Variants in NFIB observed in about 807,000 individuals in gnomAD.
The protein encoded by NFIB is nuclear factor 1 B-type.
NFIB carries 11 observed loss-of-function variants against 61.5 expected under a neutral mutation model. The ratio of observed to expected loss-of-function variants is 0.18; its 90% CI spans 0.11 to 0.30. NFIB has a LOEUF of 0.30. NFIB is among the 10% of genes least tolerant of loss of function. The pLI, the probability that NFIB is intolerant of heterozygous loss-of-function variation, is 1.00. For missense variants in NFIB, 471 were observed against 608.9 expected, an observed-to-expected ratio of 0.77 and a Z score of 2.38; for synonymous variants, 260 against 216.5, an observed-to-expected ratio of 1.20 and a Z score of -1.76.
the NFIB span, among the ~76,000 whole-genome samples, chr9:14,512,608 T>G: frequency 6.6e-6 from 1 of 152,306 alleles, no homozygotes; most frequent in South Asian, 2.1e-4. Flanking sequence ...ACGTAATAAG[T>G]CCGCCAATTT....
intron 1 of NFIB, among the ~76,000 whole-genome samples, chr9:14,330,536 G>T (rs2060808511): frequency 6.6e-6 from 1 of 152,150 alleles, no homozygotes; most frequent in African/African-American, 2.4e-5. Flanking sequence ...TACCATCTAA[G>T]AATGATGATC....
chr9:14,315,348 G>A (rs1337466295), upstream of NFIB, among the ~76,000 whole-genome samples: 7 of 150,854 alleles, frequency 4.6e-5, no homozygotes, highest in Admixed American at 3.3e-4. Flanking sequence ...GGGAGGACCG[G>A]GCCGAGCCGC....
At chr9:14,497,488 T>C in the NFIB span, among the ~76,000 whole-genome samples, 2 of 152,186 alleles carry the variant, frequency 1.3e-5, no homozygotes, top group Admixed American at 6.5e-5. Flanking sequence ...GATTCTCTGA[T>C]TTTAAGAAGG....
At chr9:14,475,304 C>T in the NFIB span, among the ~76,000 whole-genome samples, 1 of 152,150 alleles carries the variant, frequency 6.6e-6, no homozygotes, top group Non-Finnish European at 1.5e-5. Context: ...CAGAGTTTTG[C>T]TTCTCAAGTT....
chr9:14,201,681 A>G (rs2049048145), intron 2 of NFIB, among the ~76,000 whole-genome samples: 3 of 152,118 alleles, frequency 2.0e-5, no homozygotes, highest in South Asian at 4.1e-4. Flanking sequence ...CTGTATCCCA[A>G]CTTACCCTGA....
chr9:14,397,597 T>G (rs566162961), intron 1 of NFIB, among the ~76,000 whole-genome samples: 1 of 152,194 alleles, frequency 6.6e-6, no homozygotes, highest in South Asian at 2.1e-4. Context: ...CCCAGGGTCA[T>G]TTTAAGAAAA....
At chr9:14,485,168 A>G in the NFIB span, among the ~76,000 whole-genome samples, 1 of 152,240 alleles carries the variant, frequency 6.6e-6, no homozygotes, top group Non-Finnish European at 1.5e-5. Flanking sequence ...TAGAGCTTCA[A>G]CAAATGAATT....
chr9:14,307,532 A>C lies in NFIB; in HGVS notation c.31-12T>G, dbSNP rs1265735904. ...GGGTGAAATTCATCCTGTGGAAGACAGAGGGGTGAGGAAAAGATGTGCATA... is the reference window on the plus strand; with the variant it reads ...GGGTGAAATTCATCCTGTGGAAGACCGAGGGGTGAGGAAAAGATGTGCATA... On this transcript the variant is annotated splice_polypyrimidine_tract_variant and intron_variant, in intron 1 of 10. Transcript: ENST00000380953. The surrounding 1 kb of genome is among the most constrained non-coding windows in gnomAD (Gnocchi z 5.3). 1.3e-6 allele frequency: 2 copies of C among 1,573,112 alleles called. No individual in the cohort carries two copies. The highest frequency in any genetic ancestry group is 4.5e-5 in the East Asian group (2 of 44,374).
the NFIB span, among the ~76,000 whole-genome samples, chr9:14,414,071 T>C: frequency 3.9e-5 from 6 of 152,246 alleles, no homozygotes; most frequent in African/African-American, 1.2e-4. Context: ...GATTAATTTA[T>C]ATAGGTCCTC....
chr9:14,207,549 G>C (rs1047550329), intron 2 of NFIB, among the ~76,000 whole-genome samples: 2 of 152,212 alleles, frequency 1.3e-5, no homozygotes, highest in African/African-American at 4.8e-5. Flanking sequence ...CAAAGGGCCA[G>C]CTCGGCATGA....
chr9:14,518,935 T>A, the NFIB span, among the ~76,000 whole-genome samples: 21 of 152,130 alleles, frequency 1.4e-4, no homozygotes, highest in African/African-American at 5.1e-4. Context: ...AGGGGGCTAT[T>A]GGAAGGAGGA....
At chr9:14,160,614 A>G (rs2044051529) in intron 3 of NFIB, among the ~76,000 whole-genome samples, 2 of 152,114 alleles carry the variant, frequency 1.3e-5, no homozygotes, top group Admixed American at 6.6e-5. Context: ...GGCATGTGAA[A>G]TTTTGCAAAG....
At chr9:14,193,929 T>C (rs2048216804) in intron 2 of NFIB, among the ~76,000 whole-genome samples, 1 of 152,170 alleles carries the variant, frequency 6.6e-6, no homozygotes, top group South Asian at 2.1e-4. Flanking sequence ...TTGCACCCTA[T>C]GCAATGTCCC....
rs2038732093 is a variant in NFIB, at chr9:14,120,104, C to A, written c.1245+336G>T. Among the ~76,000 whole-genome samples, 2 of 152,172 alleles carry A rather than the reference C, an allele frequency of 1.3e-5. No homozygotes were observed. The highest frequency in any genetic ancestry group is 2.9e-5 in the Non-Finnish European group (2 of 68,016). On this transcript the variant is annotated intron_variant, in intron 8 of 10. Coordinates refer to ENST00000380953, the MANE Select transcript of NFIB (RefSeq NM_001190737.2). The surrounding 1 kb of genome is among the most constrained non-coding windows in gnomAD (Gnocchi z 4.4). Reference sequence around the variant, plus strand: ...ACCTTACTCCTGCCTGAAATAAGCACATTGTCTCTGTGTCAAACCAGGTAT... The same window carrying A: ...ACCTTACTCCTGCCTGAAATAAGCAAATTGTCTCTGTGTCAAACCAGGTAT...
intron 1 of NFIB, among the ~76,000 whole-genome samples, chr9:14,344,705 T>G (rs1466553155): frequency 6.6e-6 from 1 of 151,758 alleles, no homozygotes; most frequent in East Asian, 1.9e-4. Context: ...GATTTCATCC[T>G]CCCCACTGAA....
At chr9:14,169,731 T>C (rs547657785) in intron 3 of NFIB, among the ~76,000 whole-genome samples, 3 of 152,288 alleles carry the variant, frequency 2.0e-5, no homozygotes, top group Middle Eastern at 3.4e-3. Flanking sequence ...GGCAGGAGAA[T>C]TGCTTGAACC....
chr9:14,441,574 ATTCT>A, the NFIB span, among the ~76,000 whole-genome samples: 3 of 146,008 alleles, frequency 2.1e-5, no homozygotes, highest in Non-Finnish European at 4.5e-5. Flanking sequence ...ATAGCCCAGA[ATTCT>A]TTCTTTTTCT....
chr9:14,173,698 T>G (rs1041608191), intron 3 of NFIB, among the ~76,000 whole-genome samples: 1 of 152,204 alleles, frequency 6.6e-6, no homozygotes, highest in Non-Finnish European at 1.5e-5. Context: ...CTTCTAATGT[T>G]GAGCTGACTC....
At chr9:14,378,382 G>T (rs986564608) in intron 1 of NFIB, among the ~76,000 whole-genome samples, 16 of 151,852 alleles carry the variant, frequency 1.1e-4, no homozygotes, top group African/African-American at 3.6e-4. Context: ...TTTTGAGATG[G>T]AGTCTCGCTC....
Sources: gnomAD v4.1 joint callset for allele counts (sites outside exome capture counted in the v4.1 genomes callset) on GRCh38, gnomAD v4.1.1 for gene constraint, Gnocchi (gnomAD v3.1) non-coding constraint, MANE v1.5 for transcripts, NCBI Gene and HGNC (gene_info 2026-07-23, HGNC 2026-07-21) for gene names.